Variants in FYN observed in about 807,000 individuals in gnomAD.
FYN encodes tyrosine-protein kinase Fyn.
Under a neutral mutation model 70.2 loss-of-function variants are expected in FYN, and 10 were observed. That is an observed-to-expected ratio of 0.14 (90% CI 0.09 to 0.24). The LOEUF (loss-of-function observed/expected upper bound fraction) is 0.24, where lower values mean the gene tolerates loss of function less well. Ranked by LOEUF, FYN falls within the 10% of genes least tolerant of loss-of-function variation. The pLI, the probability that FYN is intolerant of heterozygous loss-of-function variation, is 1.00. For missense variants in FYN, 319 were observed against 673.1 expected (o/e 0.47, Z 5.82); for synonymous variants, 236 against 248.6 (o/e 0.95, Z 0.48).
At chr6:111,794,837 C>T (rs780045079) in intron 2 of FYN, among the ~76,000 whole-genome samples, 2 of 152,130 alleles carry the variant, frequency 1.3e-5, no homozygotes, top group Non-Finnish European at 2.9e-5. Flanking sequence ...AAAATGTTTG[C>T]CAACCCTGGG....
intron 2 of FYN, among the ~76,000 whole-genome samples, chr6:111,818,232 G>T (rs1772550294): frequency 6.6e-6 from 1 of 152,132 alleles, no homozygotes; most frequent in East Asian, 1.9e-4. Context: ...AACGAAGAGG[G>T]ACCACTGGGA....
At chr6:111,711,216 C>A (rs1183632280) in intron 5 of FYN, among the ~76,000 whole-genome samples, 1 of 151,864 alleles carries the variant, frequency 6.6e-6, no homozygotes, top group African/African-American at 2.4e-5. Flanking sequence ...ATGTCGGTAA[C>A]AATTTTATCA....
chr6:111,764,902 C>T (rs777655757), intron 3 of FYN, among the ~76,000 whole-genome samples: 2 of 152,090 alleles, frequency 1.3e-5, no homozygotes, highest in African/African-American at 4.8e-5. Context: ...CTCTCTTGTT[C>T]CCCTTTGCTG....
intron 2 of FYN, among the ~76,000 whole-genome samples, chr6:111,788,133 G>T (rs566888334): frequency 3.3e-5 from 5 of 152,176 alleles, no homozygotes; most frequent in African/African-American, 9.6e-5. Context: ...CCTCCCTGAA[G>T]TTCTTGCCCA....
At chr6:111,746,419 T>C (rs1802220339) in intron 3 of FYN, among the ~76,000 whole-genome samples, 1 of 152,230 alleles carries the variant, frequency 6.6e-6, no homozygotes, top group African/African-American at 2.4e-5. Flanking sequence ...AAGGTAATCA[T>C]ACAGTATGTA....
At chr6:111,713,235 C>T (rs976167062) in intron 5 of FYN, among the ~76,000 whole-genome samples, 3 of 152,144 alleles carry the variant, frequency 2.0e-5, no homozygotes, top group African/African-American at 7.2e-5. Context: ...TCCAAGGAGG[C>T]AGTTTTCAGG....
chr6:111,715,095 G>A (rs1800566894), intron 4 of FYN, among the ~76,000 whole-genome samples: 1 of 152,072 alleles, frequency 6.6e-6, no homozygotes, highest in Non-Finnish European at 1.5e-5. Context: ...ACACTGTCTT[G>A]TAGCACTCAC....
At chr6:111,746,122 A>C (rs1234074309) in intron 3 of FYN, among the ~76,000 whole-genome samples, 2 of 152,232 alleles carry the variant, frequency 1.3e-5, no homozygotes, top group African/African-American at 4.8e-5. Flanking sequence ...TAATAATTTG[A>C]GGAGGTTTAG....
chr6:111,752,862 T>C (rs1161454966), intron 3 of FYN, among the ~76,000 whole-genome samples: 1 of 149,812 alleles, frequency 6.7e-6, no homozygotes, highest in Non-Finnish European at 1.5e-5. Context: ...TTTAGGAGGG[T>C]GGTGGTGAGG....
At chr6:111,700,550 C>G (rs752708489) in intron 8 of FYN, among the ~76,000 whole-genome samples, 5 of 152,222 alleles carry the variant, frequency 3.3e-5, no homozygotes, top group Non-Finnish European at 5.9e-5. Context: ...TTAGACTACT[C>G]CATGAGCCCA....
At chr6:111,673,281 G>A (rs562510105) in intron 13 of FYN, among the ~76,000 whole-genome samples, 25 of 152,140 alleles carry the variant, frequency 1.6e-4, no homozygotes, top group African/African-American at 3.9e-4. Context: ...TGTGCATGCC[G>A]GGAGCAGCAG....
At chr6:111,668,502 G>GA (rs140235658) in intron 13 of FYN, among the ~76,000 whole-genome samples, 2,746 of 126,336 alleles carry the variant, frequency 0.022, 66 homozygotes, top group African/African-American at 0.066. Flanking sequence ...CTTTGTCCCA[G>GA]AAAAAAAAAA....
intron 3 of FYN, among the ~76,000 whole-genome samples, chr6:111,751,612 T>A (rs1389799477): frequency 5.3e-5 from 7 of 131,042 alleles, no homozygotes; most frequent in Non-Finnish European, 1.1e-4. Flanking sequence ...TGGCAGTGTC[T>A]CCATTCAAAT....
chr6:111,864,739 G>A (rs917818689), intron 1 of FYN, among the ~76,000 whole-genome samples: 1 of 152,196 alleles, frequency 6.6e-6, no homozygotes, highest in Non-Finnish European at 1.5e-5. Flanking sequence ...CAAAGCAAAG[G>A]CAAGGAGGCA....
intron 1 of FYN, 94 bp downstream of exon 1, chr6:111,872,874 T>G (rs1314833030): frequency 6.6e-6 from 1 of 150,782 alleles, no homozygotes; most frequent in Non-Finnish European, 1.5e-5. Context: ...CACCGGGCCC[T>G]GCGGCGGGGG....
At chr6:111,859,336 TCACAA>T (rs1403617365) in intron 1 of FYN, among the ~76,000 whole-genome samples, 1 of 152,102 alleles carries the variant, frequency 6.6e-6, no homozygotes, top group Non-Finnish European at 1.5e-5. Context: ...CCAGGCAGAG[TCACAA>T]AATTGGGCTA....
At chr6:111,863,438 AGTT>A (rs1774019873) in intron 1 of FYN, among the ~76,000 whole-genome samples, 1 of 152,240 alleles carries the variant, frequency 6.6e-6, no homozygotes, top group Non-Finnish European at 1.5e-5. Flanking sequence ...GTGGAAATGA[AGTT>A]GTTGGTGTTT....
rs146250924 is a variant in FYN, at chr6:111,746,031, G to A, written c.-11-25969C>T. ...CAGGAAGAGTCTGAAAGGAACCCAC[G>A]TACCTGGTACAAAAAGATGGTGATA... On this transcript the variant is annotated intron_variant, in intron 3 of 13. Coordinates refer to ENST00000354650, the MANE Select transcript of FYN (RefSeq NM_002037.5). Among the ~76,000 whole-genome samples the A allele has an allele frequency of 1.3e-4, 20 of 152,350 alleles. No homozygotes were observed. The East Asian group carries it at 3.3e-3, about 25-fold the overall frequency.
chr6:111,719,914 G>A lies in FYN; in HGVS notation c.138C>T (p.Ser46=). The A allele has an allele frequency of 6.2e-7, 1 of 1,614,194 alleles. No individual in the cohort carries two copies. Among genetic ancestry groups the A allele is most frequent in the Non-Finnish European group, 8.5e-7 (1 of 1,180,030 alleles). ...PQHYPSFGVT[S]IPNYNNFHAA... is the part of the protein sequence containing the mutation. The stretch of plus-strand genomic sequence containing the variant: ...CGTGGAAGTTGTTGTAGTTGGGGAT[G>A]GAGGTCACACCGAAGCTGGGGTAGT... Residue 46 remains serine (S), a synonymous_variant, in exon 4 of 14, where the codon TCC becomes TCT. Transcript: ENST00000354650.
Sources: allele counts gnomAD v4.1 joint callset (sites outside exome capture counted in the v4.1 genomes callset), GRCh38; gene constraint gnomAD v4.1.1; transcripts MANE v1.5; gene names NCBI Gene and HGNC (gene_info 2026-07-23, HGNC 2026-07-21).